WDPCP: variants seen among roughly 807,000 people sequenced by gnomAD.
The protein encoded by WDPCP is WD repeat containing planar cell polarity effector, also known as WD repeat-containing and planar cell polarity effector protein fritz homolog.
In WDPCP, 71 loss-of-function variants were observed where a neutral mutation model predicts 93.1. That is an observed-to-expected ratio of 0.76 (90% CI 0.63 to 0.93). The LOEUF (loss-of-function observed/expected upper bound fraction) is 0.93, where lower values mean the gene tolerates loss of function less well. Among genes scored for constraint, WDPCP ranks in the 40% least tolerant of loss-of-function variants. The pLI is 0.00. For missense variants in WDPCP, 844 were observed against 887.4 expected (o/e 0.95, Z 0.62); for synonymous variants, 315 against 315.0 (o/e 1.00, Z 0.00).
intron 3 of WDPCP, among the ~76,000 whole-genome samples, chr2:63,611,299 T>C (rs1204516078): frequency 2.0e-5 from 3 of 152,224 alleles, no homozygotes; most frequent in Non-Finnish European, 4.4e-5. Flanking sequence ...CATGTACAAG[T>C]GTATCTGCAG....
chr2:63,752,009 A>C, intron 2 of WDPCP: 2 of 628,140 alleles, frequency 3.2e-6, no homozygotes, highest in South Asian at 1.4e-5. Flanking sequence ...CCACTGAAAC[A>C]ACCTCCACAA....
chr2:63,840,574 A>T, the WDPCP span, among the ~76,000 whole-genome samples: 1 of 152,004 alleles, frequency 6.6e-6, no homozygotes, highest in East Asian at 1.9e-4. Flanking sequence ...CCCTCCCCCA[A>T]CCAGATGTGA....
chr2:63,550,715 GTA>G (rs908319579), intron 1 of WDPCP, among the ~76,000 whole-genome samples: 2 of 146,598 alleles, frequency 1.4e-5, no homozygotes, highest in Non-Finnish European at 3.1e-5. Context: ...ATATATGTGT[GTA>G]TATATATACA....
intron 15 of WDPCP, among the ~76,000 whole-genome samples, chr2:63,169,775 G>A (rs886892812): frequency 7.3e-5 from 11 of 151,000 alleles, no homozygotes; most frequent in Non-Finnish European, 1.5e-4. Context: ...TTTGTTTTCC[G>A]CCATTTTCAA....
intron 1 of WDPCP, among the ~76,000 whole-genome samples, chr2:63,545,977 G>A (rs570939801): frequency 4.6e-5 from 7 of 151,924 alleles, no homozygotes; most frequent in African/African-American, 1.4e-4. Flanking sequence ...TTGCTCCCAT[G>A]ATCCTAGAGA....
rs999743170 is a variant in WDPCP at position 63,573,180 on chromosome 2, C to A, written c.75+15017G>T. ...ATCACTTGAGCCCAGGAAGTAGAGG[C>A]TGCAGTGAGCCATGATCATGCCACT... On this transcript the variant is annotated intron_variant, in intron 1 of 17. Coordinates refer to ENST00000272321, the MANE Select transcript of WDPCP (RefSeq NM_015910.7). 5.9e-5 allele frequency among the ~76,000 whole-genome samples: 9 copies of A among 151,524 alleles called. No individual in the cohort carries two copies. In the South Asian group the frequency reaches 1.9e-3, roughly 32 times the overall value.
At chr2:63,360,475 C>T (rs1690365096) in intron 12 of WDPCP, among the ~76,000 whole-genome samples, 1 of 152,108 alleles carries the variant, frequency 6.6e-6, no homozygotes, top group Non-Finnish European at 1.5e-5. Context: ...TCTTAAACTG[C>T]TACCATACCT....
At chr2:63,590,210 T>A (rs1173319186), upstream of WDPCP, 4 of 152,230 alleles carry the variant, frequency 2.6e-5, no homozygotes, top group African/African-American at 9.6e-5. Context: ...CTGATAACCT[T>A]GGACTTTTTG....
chr2:63,409,421 C>T (rs773045692), intron 9 of WDPCP, among the ~76,000 whole-genome samples: 2 of 152,146 alleles, frequency 1.3e-5, no homozygotes, highest in South Asian at 2.1e-4. Context: ...CTAGACCTTC[C>T]GTCTGACGGA....
At chr2:63,642,074 C>A (rs938501406) in intron 3 of WDPCP, among the ~76,000 whole-genome samples, 1 of 152,018 alleles carries the variant, frequency 6.6e-6, no homozygotes, top group African/African-American at 2.4e-5. Context: ...TTCTTGGCAC[C>A]TTTGTTGAAA....
At chr2:63,772,274 C>T (rs1670240560) in intron 2 of WDPCP, among the ~76,000 whole-genome samples, 1 of 152,056 alleles carries the variant, frequency 6.6e-6, no homozygotes, top group African/African-American at 2.4e-5. Context: ...TTGCACTTCT[C>T]TGACGATTAG....
intron 10 of WDPCP, among the ~76,000 whole-genome samples, chr2:63,394,410 G>A (rs1355277147): frequency 1.3e-5 from 2 of 152,018 alleles, no homozygotes; most frequent in East Asian, 1.9e-4. Context: ...AGGGTGCAGA[G>A]AAAAGAGGAT....
intron 3 of WDPCP, among the ~76,000 whole-genome samples, chr2:63,616,545 T>G (rs1709674863): frequency 6.6e-6 from 1 of 152,164 alleles, no homozygotes; most frequent in African/African-American, 2.4e-5. Flanking sequence ...CTCTATAGCA[T>G]AAAATAAGAA....
intron 3 of WDPCP, among the ~76,000 whole-genome samples, chr2:63,638,346 C>A (rs1325045620): frequency 2.0e-5 from 3 of 152,116 alleles, no homozygotes; most frequent in African/African-American, 7.2e-5. Flanking sequence ...CACACACACA[C>A]ACATCCAAGG....
intron 12 of WDPCP, among the ~76,000 whole-genome samples, chr2:63,346,945 T>C (rs900151137): frequency 6.6e-6 from 1 of 152,156 alleles, no homozygotes; most frequent in Non-Finnish European, 1.5e-5. Flanking sequence ...TAAAGACAAA[T>C]TTTCAGTGCA....
chr2:63,795,335 G>A (rs1342491311), intron 2 of WDPCP, among the ~76,000 whole-genome samples: 2 of 152,052 alleles, frequency 1.3e-5, no homozygotes, highest in Non-Finnish European at 2.9e-5. Flanking sequence ...CCTGAGCACA[G>A]CCTTCTGAGA....
At chr2:63,478,430 T>C (rs971583154) in intron 6 of WDPCP, among the ~76,000 whole-genome samples, 1 of 152,160 alleles carries the variant, frequency 6.6e-6, no homozygotes, top group African/African-American at 2.4e-5. Context: ...AGATGGACCA[T>C]AGAATAGGCC....
chr2:63,397,743 C>A (rs1463545185), intron 10 of WDPCP, among the ~76,000 whole-genome samples: 1 of 152,096 alleles, frequency 6.6e-6, no homozygotes, highest in African/African-American at 2.4e-5. Flanking sequence ...TGACTGGTGA[C>A]TTTTCCAAGA....
intron 7 of WDPCP, 110 bp from the exon 8 acceptor site, chr2:63,437,664 T>C (rs1558634878): frequency 9.0e-7 from 1 of 1,114,816 alleles, no homozygotes; most frequent in Non-Finnish European, 1.3e-6. Flanking sequence ...CTGAAATCAC[T>C]AAAGTCTCTT....
Sources: gnomAD v4.1 joint callset for allele counts (sites outside exome capture counted in the v4.1 genomes callset) on GRCh38, gnomAD v4.1.1 for gene constraint, MANE v1.5 for transcripts, NCBI Gene and HGNC (gene_info 2026-07-23, HGNC 2026-07-21) for gene names.